ARHGAP39: variants seen among roughly 807,000 people sequenced by gnomAD.
ARHGAP39 encodes the protein rho GTPase-activating protein 39.
In ARHGAP39, 44 loss-of-function variants were observed where a neutral mutation model predicts 106.9. That is an observed-to-expected ratio of 0.41 (90% CI 0.32 to 0.53). The LOEUF (loss-of-function observed/expected upper bound fraction) is 0.53. ARHGAP39 is among the 20% of genes least tolerant of loss of function. The pLI is 0.21. For missense variants in ARHGAP39, 1,496 were observed against 1,577.3 expected, an observed-to-expected ratio of 0.95 and a Z score of 0.87; for synonymous variants, 768 against 693.2, an observed-to-expected ratio of 1.11 and a Z score of -1.69.
rs1187285635 is a variant in ARHGAP39 at position 144,548,361 on chromosome 8, G to T, written c.725C>A (p.Ser242Tyr). 1 of 1,608,714 alleles carries T rather than the reference G, an allele frequency of 6.2e-7. No individual in the cohort carries two copies. The stretch of plus-strand genomic sequence containing the variant: ...GTGCTGGCTGCCGGAGGGTCTGCGG[G>T]AGCGGACCCCAGGTGGGCCGTCTGG... ...YAPDGPPGVR[S>Y]RRPSGSQHSP... Residue 242 changes from serine (S) to tyrosine (Y), a missense_variant, in exon 5 of 12, where the codon TCC becomes TAC. By Grantham distance (144) the Ser-to-Tyr change is moderately radical (BLOSUM62 -2). Transcript: ENST00000377307. The surrounding 1 kb of genome is among the most constrained non-coding windows in gnomAD (Gnocchi z 7.4).
At chr8:144,694,250 C>T in the ARHGAP39 span, among the ~76,000 whole-genome samples, 2 of 152,176 alleles carry the variant, frequency 1.3e-5, no homozygotes, top group Non-Finnish European at 2.9e-5. Flanking sequence ...GCAGCAAGAG[C>T]TGGAGCCAAA....
upstream of ARHGAP39, among the ~76,000 whole-genome samples, chr8:144,690,495 G>T (rs1447451493): frequency 1.3e-5 from 2 of 151,848 alleles, no homozygotes; most frequent in African/African-American, 4.8e-5. Context: ...TTTTTTTACA[G>T]TAGTCATCCT....
chr8:144,610,477 C>G (rs538199885), intron 1 of ARHGAP39, among the ~76,000 whole-genome samples: 2 of 151,776 alleles, frequency 1.3e-5, no homozygotes, highest in Admixed American at 1.3e-4. Context: ...TTTGGGAGGC[C>G]GAGGTGGGTG....
At chr8:144,605,865 G>T in intron 1 of ARHGAP39, 170 bp from the exon 2 acceptor site, 1 of 539,332 alleles carries the variant, frequency 1.9e-6, no homozygotes, top group Non-Finnish European at 3.4e-6. Flanking sequence ...CTGATGCCTG[G>T]CCCTGCGTTG....
At chr8:144,642,031 G>A (rs1185246910) in intron 1 of ARHGAP39, among the ~76,000 whole-genome samples, 1 of 152,208 alleles carries the variant, frequency 6.6e-6, no homozygotes, top group Non-Finnish European at 1.5e-5. Flanking sequence ...AATCTGTGGT[G>A]GTTTGTTATG....
rs556750937 is a variant in ARHGAP39, at chr8:144,532,246, C to T, written c.2980+59G>A. On this transcript the variant is annotated intron_variant, in intron 10 of 11. Coordinates refer to ENST00000377307, the MANE Select transcript of ARHGAP39 (RefSeq NM_025251.3). ...GGACCCCAGAGGCGGAGACAGGGGC[C>T]CCTGAGAACCACTGCCTGAGCCAGG... 6.3e-5 allele frequency: 97 copies of T among 1,529,498 alleles called. No homozygotes were observed. The African/African-American group carries it at 1.3e-3, about 20-fold the overall frequency. 94.7% of individuals were successfully genotyped at this position (1,529,498 alleles called of 1,614,324 possible). A position where few individuals can be genotyped will look rare whatever the true frequency, so the allele number is the denominator to read the frequency against.
chr8:144,643,572 G>A (rs1464893834), intron 1 of ARHGAP39, among the ~76,000 whole-genome samples: 2 of 152,176 alleles, frequency 1.3e-5, no homozygotes, highest in Non-Finnish European at 2.9e-5. Flanking sequence ...TGACGAAGTG[G>A]CCTCCATCTC....
intron 2 of ARHGAP39, among the ~76,000 whole-genome samples, chr8:144,599,530 T>A (rs1341094993): frequency 6.6e-6 from 1 of 152,124 alleles, no homozygotes. Flanking sequence ...CTGCAGCAGG[T>A]AGGCAGGTGC....
rs1026833704 is a variant in ARHGAP39 at position 144,591,673 on chromosome 8, G to A, written c.81-10396C>T. On this transcript the variant is annotated intron_variant, in intron 2 of 11. Coordinates refer to ENST00000377307, the MANE Select transcript of ARHGAP39 (RefSeq NM_025251.3). The surrounding 1 kb of genome is among the most constrained non-coding windows in gnomAD (Gnocchi z 5.3). ...AGAGGCGAGGAAGGGCAAGGTTTTC[G>A]GCCTGAGCACCTGGAGGGCGGGGCT... Among the ~76,000 whole-genome samples, 2 of 152,176 alleles carry A rather than the reference G, an allele frequency of 1.3e-5. No homozygotes were observed. Among genetic ancestry groups the A allele is most frequent in the African/African-American group, 4.8e-5 (2 of 41,442 alleles).
chr8:144,570,420 G>A (rs1012703336), intron 3 of ARHGAP39, among the ~76,000 whole-genome samples: 1 of 152,124 alleles, frequency 6.6e-6, no homozygotes, highest in African/African-American at 2.4e-5. Context: ...TAGACTGGAT[G>A]GAAAAAGGAG....
chr8:144,690,735 C>T (rs963947539), upstream of ARHGAP39, among the ~76,000 whole-genome samples: 5 of 151,672 alleles, frequency 3.3e-5, no homozygotes, highest in Admixed American at 1.3e-4. Context: ...GCCTGGACCT[C>T]CTTGGCTCTG....
chr8:144,665,713 A>G (rs1821946312), intron 1 of ARHGAP39, among the ~76,000 whole-genome samples: 2 of 152,230 alleles, frequency 1.3e-5, no homozygotes, highest in Admixed American at 1.3e-4. Context: ...TCAAGAATTG[A>G]GGTTTGGGAA....
Position 144,571,093 on chromosome 8 carries a change from A to C in ARHGAP39, c.512+9753T>G, listed in dbSNP as rs1433209527. The stretch of plus-strand genomic sequence containing the variant: ...TACCAGTCCTTCTGAAACTATTCCA[A>C]TCAACAGAAAAAGAGGGAATCCTCC... On this transcript the variant is annotated intron_variant, in intron 3 of 11. Coordinates refer to ENST00000377307, the MANE Select transcript of ARHGAP39 (RefSeq NM_025251.3). 7.2e-5 allele frequency among the ~76,000 whole-genome samples: 11 copies of C among 152,330 alleles called. No individual in the cohort carries two copies. The East Asian group carries it at 1.9e-3, about 27-fold the overall frequency.
At chr8:144,654,844 G>A (rs900525380) in intron 1 of ARHGAP39, among the ~76,000 whole-genome samples, 2 of 151,908 alleles carry the variant, frequency 1.3e-5, no homozygotes, top group Non-Finnish European at 2.9e-5. Flanking sequence ...GAGCAGGCAG[G>A]AGCCCTGTCC....
At chr8:144,576,523 C>T (rs1280567073) in intron 3 of ARHGAP39, among the ~76,000 whole-genome samples, 1 of 152,266 alleles carries the variant, frequency 6.6e-6, no homozygotes, top group Admixed American at 6.5e-5. Context: ...GCCAGACCCA[C>T]GGCCTCTCTG....
the ARHGAP39 span, among the ~76,000 whole-genome samples, chr8:144,696,229 C>T: frequency 1.3e-5 from 2 of 152,168 alleles, no homozygotes; most frequent in Non-Finnish European, 2.9e-5. Context: ...ACCTCCGCCT[C>T]CTGGGTTCAA....
rs1219322677 is a variant in ARHGAP39, at chr8:144,646,868, C to T, written c.-82+38818G>A. On this transcript the variant is annotated intron_variant, in intron 1 of 11. Transcript: ENST00000377307. This position sits in a 1 kb window ranked among gnomAD's most constrained non-coding sequence, Gnocchi z 5.7. ...GCAGACGAGGGTCCGGGACCAGACA[C>T]GCCCAGAGGGCCCCAGTGCCCTGTG... Among the ~76,000 whole-genome samples, 7 of 152,154 alleles carry T rather than the reference C, an allele frequency of 4.6e-5. No homozygotes were observed. Among genetic ancestry groups the T allele is most frequent in the African/African-American group, 1.4e-4 (6 of 41,442 alleles).
chr8:144,542,885 G>GC (rs200071993), intron 6 of ARHGAP39, among the ~76,000 whole-genome samples: 151,505 of 151,522 alleles, frequency 1, 75,744 homozygotes, highest in Middle Eastern at 1. Context: ...GTTGCAGTGA[G>GC]TCATGATTGC....
upstream of ARHGAP39, among the ~76,000 whole-genome samples, chr8:144,687,932 C>T (rs1485051496): frequency 1.4e-5 from 2 of 141,976 alleles, no homozygotes; most frequent in African/African-American, 2.5e-5. Flanking sequence ...TGAGCACTTC[C>T]CACCCCGTGA....
Sources: gnomAD v4.1 joint callset for allele counts (sites outside exome capture counted in the v4.1 genomes callset) on GRCh38, gnomAD v4.1.1 for gene constraint, Gnocchi (gnomAD v3.1) non-coding constraint, MANE v1.5 for transcripts, NCBI Gene and HGNC (gene_info 2026-07-23, HGNC 2026-07-21) for gene names.